PSG3: variants seen among roughly 807,000 people sequenced by gnomAD.
PSG3 encodes the protein pregnancy-specific beta-1-glycoprotein 3.
A neutral mutation model predicts 47.5 loss-of-function variants in PSG3; 61 were observed. The ratio of observed to expected loss-of-function variants is 1.28; its 90% confidence interval spans 1.05 to 1.59. The LOEUF is 1.59. Ranked by LOEUF, PSG3 falls within the 40% of genes most tolerant of loss-of-function variation. The pLI, the probability that PSG3 is intolerant of heterozygous loss-of-function variation, is 0.00. For missense variants in PSG3, 756 were observed against 524.0 expected (o/e 1.44, Z -4.32); for synonymous variants, 263 against 198.4 (o/e 1.33, Z -2.74).
At chr19:42,722,447 G>A (rs1431219781) in intron 6 of PSG3, among the ~76,000 whole-genome samples, 1 of 152,068 alleles carries the variant, frequency 6.6e-6, no homozygotes, top group African/African-American at 2.4e-5. Flanking sequence ...GTAGAGATGG[G>A]GTTTCACCGT....
At chr19:42,733,293 A>G (rs73547127) in intron 2 of PSG3, 77,099 of 942,228 alleles carry the variant, frequency 0.082, 4,619 homozygotes, top group African/African-American at 0.27. Flanking sequence ...TGAATTGAGC[A>G]GCAGCATTGG....
At chr19:42,728,080 G>C (rs1024753988) in intron 5 of PSG3, among the ~76,000 whole-genome samples, 11 of 152,152 alleles carry the variant, frequency 7.2e-5, no homozygotes, top group East Asian at 3.9e-4. Flanking sequence ...CAGTTACATA[G>C]AGACAGAAAG....
intron 1 of PSG3, 126 bp from the exon 2 acceptor site, chr19:42,739,215 AACAC>A: frequency 2.2e-5 from 29 of 1,304,342 alleles, no homozygotes; most frequent in South Asian, 2.9e-5. Flanking sequence ...CACACATACA[AACAC>A]ACACACACAC....
chr19:42,724,351 T>A (rs1969341925), intron 5 of PSG3, among the ~76,000 whole-genome samples: 1 of 152,224 alleles, frequency 6.6e-6, no homozygotes, highest in Admixed American at 6.5e-5. Context: ...TGCATCTTTT[T>A]CTCAGTGTCT....
intron 3 of PSG3, 53 bp downstream of exon 3, chr19:42,732,731 C>G: frequency 6.2e-7 from 1 of 1,614,118 alleles, no homozygotes; most frequent in Non-Finnish European, 8.5e-7. Flanking sequence ...TGGCCTCTGG[C>G]CACGTGTATT....
intron 2 of PSG3, among the ~76,000 whole-genome samples, chr19:42,735,261 G>T (rs1041564176): frequency 6.6e-6 from 1 of 152,042 alleles, no homozygotes; most frequent in Non-Finnish European, 1.5e-5. Flanking sequence ...GAACTTTCCT[G>T]TTTCAGTTTT....
intron 6 of PSG3, among the ~76,000 whole-genome samples, chr19:42,722,672 C>G (rs1600376441): frequency 6.6e-6 from 1 of 152,066 alleles, no homozygotes; most frequent in African/African-American, 2.4e-5. Flanking sequence ...AGTGGCTTTT[C>G]CATTCAGCTT....
In PSG3 at chr19:42,721,993, A is replaced by G. The variant is rs1969307053; in HGVS notation, c.*138T>C. 2 of 416,948 alleles carry G rather than the reference A, an allele frequency of 4.8e-6. No homozygotes were observed. The highest frequency in any genetic ancestry group is 8.8e-6 in the Non-Finnish European group (2 of 227,412). The allele number at this position is 416,948 out of a possible 1,614,324, so 25.8% of individuals were successfully genotyped here. A position where few individuals can be genotyped will look rare whatever the true frequency, so the allele number is the denominator to read the frequency against. On this transcript the variant is annotated 3_prime_UTR_variant, in exon 7 of 7. Coordinates refer to ENST00000327495, the MANE Select transcript of PSG3 (RefSeq NM_021016.4). ...AAGTTATCAGGAACTTGTATTCAAG[A>G]GTCCTTGTCAGAGTCTTTTCATAAA...
intron 3 of PSG3, among the ~76,000 whole-genome samples, chr19:42,731,157 G>C (rs1200798959): frequency 6.6e-6 from 1 of 152,184 alleles, no homozygotes; most frequent in Admixed American, 6.5e-5. Flanking sequence ...TATTCAAGGT[G>C]GGGAGGTTCT....
chr19:42,724,255 A>G (rs759191176), intron 5 of PSG3, among the ~76,000 whole-genome samples: 1 of 151,962 alleles, frequency 6.6e-6, no homozygotes, highest in Non-Finnish European at 1.5e-5. Flanking sequence ...CTGTGCTCAG[A>G]TATTTGGAAG....
rs145970990 is a variant in PSG3, at chr19:42,738,862, G to T, written c.292C>A (p.Arg98=). 1.8e-5 allele frequency: 29 copies of T among 1,613,964 alleles called. No individual in the cohort carries two copies. In the African/African-American group the frequency reaches 2.4e-4, roughly 13 times the overall value. ...IIIYGPAYSG[R]ETVYSNASLL... ...GATGCATTGGAATATACTGTTTCTC[G>T]TCCACTGTATGCAGGCCCATATATA... Residue 98 remains arginine, a synonymous_variant, in exon 2 of 7, where the codon CGA becomes AGA. Transcript: ENST00000327495.
chr19:42,729,185 C>G lies in PSG3; in HGVS notation c.1181G>C (p.Cys394Ser), dbSNP rs774476775. Residue 394 changes from cysteine (C) to serine (S), a missense_variant, in exon 5 of 7, where the codon TGC becomes TCC. Physicochemically the swap from Cys to Ser is moderately radical, Grantham distance 112. Transcript: ENST00000327495. ...GCCAGTGGCTGAGTTACGAACAGAG[C>G]AAGCATAGAGCCCGCTATGCTTTGT... ...ITTKHSGLYA[C>S]SVRNSATGME... 3 of 1,613,986 alleles carry G rather than the reference C, an allele frequency of 1.9e-6. No homozygotes were observed. Among genetic ancestry groups the G allele is most frequent in the South Asian group, 1.1e-5 (1 of 91,078 alleles).
chr19:42,723,477 G>T (rs1311202375), intron 6 of PSG3, among the ~76,000 whole-genome samples: 2 of 152,302 alleles, frequency 1.3e-5, no homozygotes, highest in African/African-American at 2.4e-5. Flanking sequence ...ACTTATCAAA[G>T]TGGCTAGAGT....
Position 42,728,344 on chromosome 19 carries a change from G to A in PSG3, c.1243+779C>T, listed in dbSNP as rs186115807. 2.7e-4 allele frequency among the ~76,000 whole-genome samples: 41 copies of A among 152,256 alleles called. No individual in the cohort carries two copies. In the East Asian group the frequency reaches 7.3e-3, roughly 27 times the overall value. The stretch of plus-strand genomic sequence containing the variant: ...CCCTTTCCTGCCATGCAGAGCCCTA[G>A]GGGTGAATCTCCCTATTTCTCCAGC... On this transcript the variant is annotated intron_variant, in intron 5 of 6. Coordinates refer to ENST00000327495, the MANE Select transcript of PSG3 (RefSeq NM_021016.4).
Position 42,725,910 on chromosome 19 carries a change from GA to G in PSG3, c.1244-1886del, listed in dbSNP as rs1362817459. Among the ~76,000 whole-genome samples, 97 of 109,106 alleles carry G rather than the reference GA, an allele frequency of 8.9e-4. 1 individual carries two copies. Among genetic ancestry groups the G allele is most frequent in the African/African-American group, 4.1e-3 (96 of 23,596 alleles). 71.6% of individuals were successfully genotyped at this position (109,106 alleles called of 152,430 possible). ...ACAACCAAAAAAAAAAAAAAAAAAA[GA>G]AAAAAGAAAAATGAAGCGATTACTA... On this transcript the variant is annotated intron_variant, in intron 5 of 6. Transcript: ENST00000327495.
In PSG3 at chr19:42,732,934, G is replaced by A. The variant is rs569962341; in HGVS notation, c.559C>T (p.Leu187Phe). 3.1e-6 allele frequency: 5 copies of A among 1,614,130 alleles called. No homozygotes were observed. The highest frequency in any genetic ancestry group is 1.3e-5 in the African/African-American group (1 of 75,038). Residue 187 changes from leucine to phenylalanine, a missense_variant, in exon 3 of 7, where the codon CTC becomes TTC. Transcript: ENST00000327495. ...AACTGCAAGCTGTGAGTCATAGGGA[G>A]GCTCTGACCATTCATCCACCACAGG... ...SYLWWMNGQS[L>F]PMTHSLQLSK...
rs1969430813 is a variant in PSG3 at position 42,729,341 on chromosome 19, G to T, written c.1025C>A (p.Thr342Asn). ...GAGGTTTTCTCCTGAATGGTAATAG[G>T]TGAATGAAGGGTAAATTCTGGGGAG... Reference protein sequence around the residue: ...PDLPRIYPSFTYYHSGENLYL... With the variant: ...PDLPRIYPSFNYYHSGENLYL... The change falls in exon 5 of 7, where the codon ACC becomes AAC. Residue 342 changes from threonine (T) to asparagine (N), a missense_variant. By Grantham distance (65) the Thr-to-Asn change is moderately conservative (BLOSUM62 0). Transcript: ENST00000327495. 1 of 1,613,988 alleles carries T rather than the reference G, an allele frequency of 6.2e-7. No individual in the cohort carries two copies. Among genetic ancestry groups the T allele is most frequent in the Non-Finnish European group, 8.5e-7 (1 of 1,179,972 alleles).
At position 42,733,013 on chromosome 19, in the gene PSG3, C is replaced by T. The variant is rs777243753; in HGVS notation, c.480G>A (p.Glu160=). The part of the protein sequence containing the change: ...SISSSNLYPR[E]DMEAVSLTCD... ...AGGTTAAGCTCACAGCCTCCATGTC[C>T]TCCCTGGGGTATAAGTTGCTGCTGG... The change falls in exon 3 of 7, where the codon GAG becomes GAA. Residue 160 remains glutamate (E), a synonymous_variant. Transcript: ENST00000327495. 6.2e-7 allele frequency: 1 copy of T among 1,614,170 alleles called. No homozygotes were observed. Among genetic ancestry groups the T allele is most frequent in the Admixed American group, 1.7e-5 (1 of 60,018 alleles).
At chr19:42,726,408 C>T (rs1969378829) in intron 5 of PSG3, among the ~76,000 whole-genome samples, 1 of 152,054 alleles carries the variant, frequency 6.6e-6, no homozygotes, top group Non-Finnish European at 1.5e-5. Context: ...ATGGAACAAA[C>T]CTATTAGAAT....
Sources: gnomAD v4.1 joint callset for allele counts (sites outside exome capture counted in the v4.1 genomes callset) on GRCh38, gnomAD v4.1.1 for gene constraint, MANE v1.5 for transcripts, NCBI Gene and HGNC (gene_info 2026-07-23, HGNC 2026-07-21) for gene names.